AKAP19: variants seen among roughly 807,000 people sequenced by gnomAD.
The protein encoded by AKAP19 is A-kinase anchoring protein 19, also known as small A-kinase anchoring protein.
At chr2:189,913,588 G>T in the AKAP19 span, among the ~76,000 whole-genome samples, 3 of 151,940 alleles carry the variant, frequency 2.0e-5, no homozygotes, top group Non-Finnish European at 2.9e-5. Flanking sequence ...CTTTCCTCTT[G>T]GTTCTCTTGG....
chr2:189,894,936 G>A, the AKAP19 span, among the ~76,000 whole-genome samples: 1 of 150,710 alleles, frequency 6.6e-6, no homozygotes, highest in African/African-American at 2.4e-5. Context: ...AGAAAATTTA[G>A]AATCAAATAT....
chr2:189,923,614 A>C, the AKAP19 span: 1 of 1,614,006 alleles, frequency 6.2e-7, no homozygotes, highest in Non-Finnish European at 8.5e-7. Context: ...TGAACCGAGG[A>C]AAAGCAGGTG....
At chr2:189,924,061 G>T in the AKAP19 span, 4 of 1,532,908 alleles carry the variant, frequency 2.6e-6, no homozygotes, top group Non-Finnish European at 3.6e-6. Context: ...AGTCTGAGGG[G>T]GGTGCAGATG....
the AKAP19 span, among the ~76,000 whole-genome samples, chr2:190,148,953 C>CTTTTTTTTTTTTTTTTTTTTTTT: frequency 2.2e-5 from 3 of 134,088 alleles, no homozygotes; most frequent in African/African-American, 8.5e-5. Flanking sequence ...TCTTTTCTTT[C>CTTTTTTTTTTTTTTTTTTTTTTT]TTTTTTTTTT....
At chr2:189,961,943 G>A in the AKAP19 span, among the ~76,000 whole-genome samples, 1 of 151,296 alleles carries the variant, frequency 6.6e-6, no homozygotes, top group Admixed American at 6.6e-5. Flanking sequence ...ACTCACCGAG[G>A]GTATATTTAA....
At chr2:190,129,100 A>G in the AKAP19 span, among the ~76,000 whole-genome samples, 5 of 152,250 alleles carry the variant, frequency 3.3e-5, no homozygotes, top group East Asian at 7.7e-4. Flanking sequence ...ATGTACATCA[A>G]CTGGCATATA....
At chr2:189,923,292 C>G in the AKAP19 span, 1 of 1,575,616 alleles carries the variant, frequency 6.3e-7, no homozygotes, top group Admixed American at 1.7e-5. Flanking sequence ...TTCTCCCTCC[C>G]CTTCTTGTTT....
the AKAP19 span, among the ~76,000 whole-genome samples, chr2:190,009,915 A>G: frequency 6.6e-6 from 1 of 152,188 alleles, no homozygotes; most frequent in East Asian, 1.9e-4. Flanking sequence ...AAGTGAATAA[A>G]ATGTTTCATG....
chr2:190,057,207 G>C, the AKAP19 span: 2 of 1,605,588 alleles, frequency 1.2e-6, no homozygotes, highest in Non-Finnish European at 1.7e-6. Flanking sequence ...CAAAATTGTT[G>C]AGGGGAAAAC....
the AKAP19 span, chr2:190,089,577 A>G: frequency 6.6e-6 from 1 of 152,188 alleles, no homozygotes; most frequent in Admixed American, 6.5e-5. Flanking sequence ...ACATGAAGCC[A>G]GAATAGACTA....
the AKAP19 span, among the ~76,000 whole-genome samples, chr2:190,139,642 A>G: frequency 6.6e-6 from 1 of 152,082 alleles, no homozygotes; most frequent in South Asian, 2.1e-4. Context: ...AAACCATCAG[A>G]TCTCATGAGA....
chr2:189,903,837 T>C, the AKAP19 span, among the ~76,000 whole-genome samples: 9 of 151,936 alleles, frequency 5.9e-5, no homozygotes, highest in African/African-American at 2.2e-4. Context: ...TGTTCCCAAA[T>C]TTATGTCCAT....
chr2:190,041,695 A>G, the AKAP19 span, among the ~76,000 whole-genome samples: 1 of 152,088 alleles, frequency 6.6e-6, no homozygotes, highest in South Asian at 2.1e-4. Context: ...TTCCTTCAAT[A>G]CCTAATTTAT....
At chr2:189,927,095 T>C in the AKAP19 span, among the ~76,000 whole-genome samples, 1 of 152,196 alleles carries the variant, frequency 6.6e-6, no homozygotes, top group East Asian at 1.9e-4. Context: ...CCTGTCTCTC[T>C]GTTGCCCAGG....
chr2:190,091,748 AAC>A, the AKAP19 span, among the ~76,000 whole-genome samples: 8 of 152,194 alleles, frequency 5.3e-5, no homozygotes, highest in Non-Finnish European at 1.0e-4. Flanking sequence ...TCTAATTATA[AAC>A]ACAGAAAATA....
the AKAP19 span, among the ~76,000 whole-genome samples, chr2:189,908,343 G>A: frequency 6.6e-6 from 1 of 151,814 alleles, no homozygotes; most frequent in African/African-American, 2.4e-5. Context: ...ACAGGCACGT[G>A]CCACCACACC....
At chr2:190,132,340 AT>A in the AKAP19 span, among the ~76,000 whole-genome samples, 1 of 152,220 alleles carries the variant, frequency 6.6e-6, no homozygotes, top group African/African-American at 2.4e-5. Flanking sequence ...AGCGAATGCA[AT>A]CTTGAGCAAA....
chr2:190,016,118 G>A, the AKAP19 span, among the ~76,000 whole-genome samples: 1 of 152,144 alleles, frequency 6.6e-6, no homozygotes, highest in African/African-American at 2.4e-5. Context: ...GTGTTACCCA[G>A]TTCCAAAGTC....
chr2:190,201,107 T>C, the AKAP19 span: 1 of 167,046 alleles, frequency 6.0e-6, no homozygotes, highest in Admixed American at 6.6e-5. Flanking sequence ...AAGATAAAAC[T>C]GTCCTTTGAG....
Sources: gnomAD v4.1 joint callset for allele counts (sites outside exome capture counted in the v4.1 genomes callset) on GRCh38, gnomAD v4.1.1 for gene constraint, MANE v1.5 for transcripts, NCBI Gene and HGNC (gene_info 2026-07-23, HGNC 2026-07-21) for gene names.